The following SCMH1 variants were observed in gnomAD, a reference collection of about 807,000 sequenced individuals.
SCMH1 encodes the protein Scm polycomb group protein homolog 1.
In SCMH1, 37 loss-of-function variants were observed where a neutral mutation model predicts 70.8. That is an observed-to-expected ratio of 0.52 (90% CI 0.40 to 0.69). The LOEUF (loss-of-function observed/expected upper bound fraction) is 0.69. SCMH1 is among the 30% of genes least tolerant of loss of function. SCMH1 has a pLI of 0.00. For missense variants in SCMH1, 607 were observed against 827.3 expected, an observed-to-expected ratio of 0.73 and a Z score of 3.27; for synonymous variants, 292 against 307.4, an observed-to-expected ratio of 0.95 and a Z score of 0.52.
intron 1 of SCMH1, among the ~76,000 whole-genome samples, chr1:41,203,945 C>A (rs567995845): frequency 5.3e-5 from 8 of 152,188 alleles, no homozygotes; most frequent in African/African-American, 1.9e-4. Context: ...CACTTCACAC[C>A]TCTATATTTC....
chr1:41,167,421 T>G (rs549171733), intron 2 of SCMH1, among the ~76,000 whole-genome samples: 6 of 152,308 alleles, frequency 3.9e-5, no homozygotes, highest in African/African-American at 1.2e-4. Context: ...TTCAACTTTC[T>G]GGAAGAGTTT....
At chr1:41,072,547 C>T (rs1454039348) in intron 9 of SCMH1, among the ~76,000 whole-genome samples, 4 of 152,044 alleles carry the variant, frequency 2.6e-5, no homozygotes, top group Non-Finnish European at 5.9e-5. Flanking sequence ...ATGCTCTATC[C>T]ACAAGACTAC....
chr1:41,105,451 G>A (rs1046123941), intron 8 of SCMH1, among the ~76,000 whole-genome samples: 5 of 152,128 alleles, frequency 3.3e-5, no homozygotes, highest in African/African-American at 9.7e-5. Context: ...AAGTGGTGGG[G>A]ACATAAAGAG....
intron 1 of SCMH1, among the ~76,000 whole-genome samples, chr1:41,189,104 G>A (rs1651011229): frequency 6.6e-6 from 1 of 152,200 alleles, no homozygotes; most frequent in South Asian, 2.1e-4. Flanking sequence ...CATCTGTGAT[G>A]TGCCACTGAT....
intron 1 of SCMH1, among the ~76,000 whole-genome samples, chr1:41,208,772 A>G (rs1169388990): frequency 6.6e-6 from 1 of 152,228 alleles, no homozygotes; most frequent in Admixed American, 6.5e-5. Context: ...CACAAGAGAA[A>G]GCAGGAATGA....
intron 6 of SCMH1, among the ~76,000 whole-genome samples, chr1:41,119,455 A>C (rs12736170): frequency 1.6e-3 from 35 of 22,274 alleles, no homozygotes; most frequent in Non-Finnish European, 2.5e-3. Context: ...AAAACAAAAA[A>C]AAAAAAACCC....
At chr1:41,076,770 G>A (rs1558669131) in intron 8 of SCMH1, among the ~76,000 whole-genome samples, 1 of 152,170 alleles carries the variant, frequency 6.6e-6, no homozygotes, top group African/African-American at 2.4e-5. Context: ...TGGAAAGGAG[G>A]TCAGTAGAGC....
chr1:41,071,742 G>A (rs912261445), intron 9 of SCMH1, among the ~76,000 whole-genome samples: 3 of 151,808 alleles, frequency 2.0e-5, no homozygotes, highest in Non-Finnish European at 4.4e-5. Context: ...GGTTCACTGC[G>A]ACCTCCACCT....
At chr1:41,107,962 A>T (rs1668406290) in intron 8 of SCMH1, among the ~76,000 whole-genome samples, 1 of 152,234 alleles carries the variant, frequency 6.6e-6, no homozygotes, top group South Asian at 2.1e-4. Flanking sequence ...AGATATTCTG[A>T]AAGTTTTGTT....
At chr1:41,034,835 C>T (rs1036189335) in intron 13 of SCMH1, among the ~76,000 whole-genome samples, 1 of 152,168 alleles carries the variant, frequency 6.6e-6, no homozygotes, top group African/African-American at 2.4e-5. Context: ...GCTCTTCCTT[C>T]TCACTGTTAC....
At chr1:41,088,915 T>C (rs994304454) in intron 8 of SCMH1, among the ~76,000 whole-genome samples, 3 of 152,240 alleles carry the variant, frequency 2.0e-5, no homozygotes, top group Non-Finnish European at 2.9e-5. Context: ...ATGATGGGCA[T>C]GTCCCAGGAG....
At chr1:41,139,401 G>A (rs764895855) in intron 6 of SCMH1, among the ~76,000 whole-genome samples, 2 of 152,082 alleles carry the variant, frequency 1.3e-5, no homozygotes, top group Admixed American at 6.6e-5. Flanking sequence ...AAAAGTAACT[G>A]ATAATTGTGG....
intron 2 of SCMH1, among the ~76,000 whole-genome samples, chr1:41,167,818 T>A (rs758824036): frequency 6.6e-6 from 1 of 152,064 alleles, no homozygotes; most frequent in Admixed American, 6.6e-5. Flanking sequence ...CTAGTGGGGA[T>A]AAATTCTGTT....
chr1:41,161,024 G>C, intron 3 of SCMH1, 126 bp from the exon 4 acceptor site: 1 of 1,025,432 alleles, frequency 9.8e-7, no homozygotes, highest in South Asian at 1.5e-5. Context: ...CATCCTAAAA[G>C]ACACTGAGAT....
At chr1:41,062,206 C>G (rs1177386669) in intron 10 of SCMH1, among the ~76,000 whole-genome samples, 1 of 152,026 alleles carries the variant, frequency 6.6e-6, no homozygotes. Context: ...TGTCTTCTTT[C>G]AGAACACAAC....
intron 10 of SCMH1, among the ~76,000 whole-genome samples, chr1:41,059,590 G>C (rs749760973): frequency 7.6e-4 from 116 of 152,156 alleles, no homozygotes; most frequent in Non-Finnish European, 1.2e-3. Context: ...TCAAGTCTGT[G>C]TGTGACCTGA....
At chr1:41,208,557 A>G (rs1019060348) in intron 1 of SCMH1, among the ~76,000 whole-genome samples, 3 of 152,172 alleles carry the variant, frequency 2.0e-5, no homozygotes, top group Non-Finnish European at 4.4e-5. Context: ...TCAAATTAGA[A>G]CTCAGTATTA....
chr1:41,036,292 A>G (rs1645284998), intron 13 of SCMH1, among the ~76,000 whole-genome samples: 1 of 152,144 alleles, frequency 6.6e-6, no homozygotes, highest in Admixed American at 6.6e-5. Context: ...CTATATGACC[A>G]TGGGCTCCCC....
intron 2 of SCMH1, among the ~76,000 whole-genome samples, chr1:41,170,936 C>T (rs552872675): frequency 3.0e-4 from 46 of 152,346 alleles, no homozygotes; most frequent in African/African-American, 1.1e-3. Flanking sequence ...GCCATCACTA[C>T]ATGGTTATCA....
Sources: gnomAD v4.1 joint callset for allele counts (sites outside exome capture counted in the v4.1 genomes callset) on GRCh38, gnomAD v4.1.1 for gene constraint, MANE v1.5 for transcripts, NCBI Gene and HGNC (gene_info 2026-07-23, HGNC 2026-07-21) for gene names.